The following FSTL5 variants were observed in gnomAD, a reference collection of about 807,000 sequenced individuals.
The protein encoded by FSTL5 is follistatin like 5.
A neutral mutation model predicts 89.1 loss-of-function variants in FSTL5; 62 were observed. That is an observed-to-expected ratio of 0.70 (90% CI 0.57 to 0.86). FSTL5 has a LOEUF of 0.86. Ranked by LOEUF, FSTL5 falls within the 40% of genes least tolerant of loss-of-function variation. The probability of loss-of-function intolerance (pLI) is 0.00; values close to 1 mark genes in which losing one functional copy is unlikely to be tolerated. For synonymous variants in FSTL5, 383 were observed against 346.2 expected, an observed-to-expected ratio of 1.11 and a Z score of -1.18; for missense variants, 1,057 against 1,001.6, an observed-to-expected ratio of 1.06 and a Z score of -0.75.
intron 3 of FSTL5, among the ~76,000 whole-genome samples, chr4:161,958,751 C>A (rs1735093088): frequency 1.3e-5 from 2 of 152,086 alleles, no homozygotes; most frequent in Non-Finnish European, 2.9e-5. Context: ...CTGCGCAGTG[C>A]AATGGAGGGG....
intron 6 of FSTL5, among the ~76,000 whole-genome samples, chr4:161,749,862 G>T (rs1448279168): frequency 6.6e-6 from 1 of 151,602 alleles, no homozygotes; most frequent in African/African-American, 2.4e-5. Context: ...CTCCAAAAAA[G>T]GGAGGGTGTG....
chr4:161,885,308 C>T (rs534545366), intron 4 of FSTL5, among the ~76,000 whole-genome samples: 1 of 152,194 alleles, frequency 6.6e-6, no homozygotes, highest in East Asian at 1.9e-4. Flanking sequence ...TCAGACATTG[C>T]TTTCCTCAAT....
At chr4:161,469,515 T>C (rs916935893) in intron 13 of FSTL5, among the ~76,000 whole-genome samples, 3 of 152,328 alleles carry the variant, frequency 2.0e-5, no homozygotes, top group Non-Finnish European at 4.4e-5. Context: ...TGACATCTCA[T>C]TGAGTTTTGA....
intron 4 of FSTL5, among the ~76,000 whole-genome samples, chr4:161,833,176 T>C (rs920989886): frequency 5.3e-5 from 8 of 151,984 alleles, no homozygotes; most frequent in Non-Finnish European, 1.2e-4. Context: ...TCAGTATCCA[T>C]GTAGTTGAGC....
At chr4:162,007,821 A>C (rs1032074146) in intron 3 of FSTL5, among the ~76,000 whole-genome samples, 3 of 152,026 alleles carry the variant, frequency 2.0e-5, no homozygotes, top group African/African-American at 7.2e-5. Flanking sequence ...ACGGGCATAA[A>C]TATTATGAAA....
At chr4:161,879,191 G>A (rs2126908808) in intron 4 of FSTL5, among the ~76,000 whole-genome samples, 1 of 152,180 alleles carries the variant, frequency 6.6e-6, no homozygotes, top group East Asian at 1.9e-4. Flanking sequence ...TAGACCTGTA[G>A]CAAATCCTGT....
At chr4:161,863,394 G>A (rs183206895) in intron 4 of FSTL5, among the ~76,000 whole-genome samples, 78 of 152,278 alleles carry the variant, frequency 5.1e-4, no homozygotes, top group African/African-American at 1.8e-3. Flanking sequence ...GAGGGTGAAT[G>A]CTTTTATTCG....
chr4:161,587,559 C>A lies in FSTL5; in HGVS notation c.911G>T (p.Gly304Val). Residue 304 changes from glycine (G) to valine (V), a missense_variant, in exon 8 of 16, where the codon GGG (glycine) becomes GTG (valine). By Grantham distance (109) the Gly-to-Val change is moderately radical. This residue lies in a region of FSTL5 where 980 missense variants were observed against 903.2 expected (regional missense o/e 1.08). Transcript: ENST00000306100. ...GGTAACCTTAGTAATATACAAGGAC[C>A]CATCATCTCCAAAGTCCTATTAAAA... ...LEDINDFGDD[G>V]SLYITKVTTT... 2 of 1,604,052 alleles carry A rather than the reference C, an allele frequency of 1.2e-6. No homozygotes were observed. The highest frequency in any genetic ancestry group is 1.7e-6 in the Non-Finnish European group (2 of 1,173,642).
intron 3 of FSTL5, among the ~76,000 whole-genome samples, chr4:162,025,576 T>C (rs556730840): frequency 6.6e-6 from 1 of 152,168 alleles, no homozygotes; most frequent in East Asian, 1.9e-4. Context: ...TTCCACTCAT[T>C]TCAAGTGTCC....
At chr4:161,854,024 T>C (rs1184996527) in intron 4 of FSTL5, among the ~76,000 whole-genome samples, 1 of 152,160 alleles carries the variant, frequency 6.6e-6, no homozygotes, top group Non-Finnish European at 1.5e-5. Context: ...ATAAAAGCTA[T>C]CATAACAGCA....
chr4:161,459,229 T>G lies in FSTL5; in HGVS notation c.1699A>C (p.Thr567Pro). 1 of 1,601,882 alleles carries G rather than the reference T, an allele frequency of 6.2e-7. No homozygotes were observed. Among genetic ancestry groups the G allele is most frequent in the Non-Finnish European group, 8.6e-7 (1 of 1,169,016 alleles). ...WVLSWGTLEK[T>P]SPTLQVITLA... Reference sequence around the variant, plus strand: ...GTACTTACCTGTAGTGTTGGTGATGTCTTCTCCAAGGTACCCCAGCTTAGC... The same window carrying G: ...GTACTTACCTGTAGTGTTGGTGATGGCTTCTCCAAGGTACCCCAGCTTAGC... The change falls in exon 14 of 16, where the codon ACA becomes CCA. Residue 567 changes from threonine to proline, a missense_variant. By Grantham distance (38) the Thr-to-Pro change is conservative. Coordinates refer to ENST00000306100, the MANE Select transcript of FSTL5 (RefSeq NM_020116.5).
chr4:162,117,900 A>G (rs913401027), intron 1 of FSTL5, among the ~76,000 whole-genome samples: 2 of 152,208 alleles, frequency 1.3e-5, no homozygotes, highest in Non-Finnish European at 2.9e-5. Context: ...GTAGGTACAC[A>G]TTAAGTGATT....
chr4:161,931,831 C>T (rs1355467756), intron 3 of FSTL5, among the ~76,000 whole-genome samples: 1 of 151,834 alleles, frequency 6.6e-6, no homozygotes, highest in Non-Finnish European at 1.5e-5. Context: ...CATTTGTTAA[C>T]AGCAACAACA....
chr4:161,967,349 A>C (rs1346555274), intron 3 of FSTL5, among the ~76,000 whole-genome samples: 2 of 151,920 alleles, frequency 1.3e-5, no homozygotes, highest in African/African-American at 4.8e-5. Flanking sequence ...CTAAACCTTC[A>C]AAAGAACCAA....
At chr4:161,519,496 A>G (rs1289228970) in intron 10 of FSTL5, among the ~76,000 whole-genome samples, 1 of 152,146 alleles carries the variant, frequency 6.6e-6, no homozygotes, top group Non-Finnish European at 1.5e-5. Flanking sequence ...ACTGCACTCC[A>G]GCCTGGGCGA....
At chr4:162,140,189 T>G (rs997368709) in intron 1 of FSTL5, among the ~76,000 whole-genome samples, 21 of 152,090 alleles carry the variant, frequency 1.4e-4, no homozygotes, top group Admixed American at 1.4e-3. Context: ...AGAATGTAAA[T>G]AGGCACAATC....
intron 8 of FSTL5, among the ~76,000 whole-genome samples, chr4:161,551,600 A>T (rs1578918635): frequency 6.6e-6 from 1 of 152,142 alleles, no homozygotes; most frequent in Middle Eastern, 3.4e-3. Flanking sequence ...ACAAGGCTAC[A>T]GTAACCAAAA....
chr4:161,484,465 G>A (rs1262695091), intron 12 of FSTL5, among the ~76,000 whole-genome samples: 1 of 151,916 alleles, frequency 6.6e-6, no homozygotes, highest in Non-Finnish European at 1.5e-5. Context: ...CATTCACATT[G>A]CCCCATAAAT....
intron 6 of FSTL5, among the ~76,000 whole-genome samples, chr4:161,731,110 G>A (rs988348110): frequency 1.3e-5 from 2 of 152,066 alleles, no homozygotes; most frequent in South Asian, 4.1e-4. Context: ...GCACCCTTAA[G>A]TTGCAAAAGT....
Sources: allele counts gnomAD v4.1 joint callset (sites outside exome capture counted in the v4.1 genomes callset), GRCh38; gene constraint gnomAD v4.1.1; regional missense constraint gnomAD v4.1.1; transcripts MANE v1.5; gene names NCBI Gene and HGNC (gene_info 2026-07-23, HGNC 2026-07-21).